Variants in PCDHA4 observed in about 807,000 individuals in gnomAD.
PCDHA4 encodes protocadherin alpha-4.
A neutral mutation model predicts 61.4 loss-of-function variants in PCDHA4; 49 were observed. That is an observed-to-expected ratio of 0.80 (90% CI 0.63 to 1.01). PCDHA4 has a LOEUF of 1.01. Ranked by LOEUF, PCDHA4 falls within the 50% of genes least tolerant of loss-of-function variation. The probability of loss-of-function intolerance (pLI) is 0.00; values close to 1 mark genes in which losing one functional copy is unlikely to be tolerated. For synonymous variants in PCDHA4, 590 were observed against 550.3 expected (o/e 1.07, Z -1.01); for missense variants, 1,254 against 1,235.8 (o/e 1.01, Z -0.22).
At chr5:140,982,391 G>T (rs539713475) in intron 2 of PCDHA4, 84 bp from the exon 3 acceptor site, 2 of 1,597,556 alleles carry the variant, frequency 1.3e-6, no homozygotes, top group South Asian at 1.1e-5. Flanking sequence ...TGGCTTCATA[G>T]TTGTAAGCAA....
At chr5:140,908,013 G>A (rs2073743163) in intron 1 of PCDHA4, among the ~76,000 whole-genome samples, 1 of 152,070 alleles carries the variant, frequency 6.6e-6, no homozygotes, top group Non-Finnish European at 1.5e-5. Context: ...CAAACCACTG[G>A]CTACAGCCCA....
chr5:140,966,149 G>C (rs1347243484), intron 1 of PCDHA4: 1 of 167,682 alleles, frequency 6.0e-6, no homozygotes, highest in Non-Finnish European at 1.3e-5. Flanking sequence ...TTCCTGAATT[G>C]CGCTTGGAGA....
intron 3 of PCDHA4, among the ~76,000 whole-genome samples, chr5:140,992,394 G>A (rs1338899804): frequency 2.0e-5 from 3 of 152,170 alleles, no homozygotes; most frequent in African/African-American, 7.2e-5. Flanking sequence ...TCTGGACTTA[G>A]AGATATTGTT....
chr5:140,912,532 G>T (rs1554195398), intron 1 of PCDHA4, among the ~76,000 whole-genome samples: 1 of 152,092 alleles, frequency 6.6e-6, no homozygotes, highest in African/African-American at 2.4e-5. Flanking sequence ...CAGAGTACAT[G>T]ATCATATTGT....
intron 1 of PCDHA4, among the ~76,000 whole-genome samples, chr5:140,936,136 G>A (rs1393112473): frequency 2.0e-5 from 3 of 152,184 alleles, no homozygotes; most frequent in Admixed American, 1.3e-4. Context: ...TAAGTGATCT[G>A]CCCGCCTTGG....
At chr5:140,829,218 A>G in intron 1 of PCDHA4, 1 of 1,614,180 alleles carries the variant, frequency 6.2e-7, no homozygotes, top group Non-Finnish European at 8.5e-7. Context: ...AGCGTGAACG[A>G]CCTCGATTCA....
At chr5:140,877,724 C>A in intron 1 of PCDHA4, 1 of 1,614,150 alleles carries the variant, frequency 6.2e-7, no homozygotes, top group Non-Finnish European at 8.5e-7. Context: ...TGGTCTTACT[C>A]GCAGCAGAGG....
At chr5:140,976,585 C>A (rs1415996919) in intron 1 of PCDHA4, among the ~76,000 whole-genome samples, 1 of 152,064 alleles carries the variant, frequency 6.6e-6, no homozygotes, top group African/African-American at 2.4e-5. Flanking sequence ...AAAACACAGA[C>A]TTTTGTGTTA....
intron 1 of PCDHA4, chr5:140,930,452 G>A (rs2086853363): frequency 6.6e-6 from 1 of 151,826 alleles, no homozygotes; most frequent in Non-Finnish European, 1.5e-5. Flanking sequence ...CAAACTCCTA[G>A]CCTCAAGTGA....
intron 1 of PCDHA4, among the ~76,000 whole-genome samples, chr5:140,964,434 G>A (rs1332567720): frequency 6.6e-6 from 1 of 152,104 alleles, no homozygotes; most frequent in Non-Finnish European, 1.5e-5. Context: ...AAATTACCAA[G>A]CCTCTGCCAC....
chr5:140,848,314 G>T, intron 1 of PCDHA4: 1 of 733,978 alleles, frequency 1.4e-6, no homozygotes, highest in Non-Finnish European at 2.3e-6. Context: ...ACTCTTTGCC[G>T]CGATGTTCTC....
chr5:140,981,861 A>G (rs1554243465), intron 2 of PCDHA4, among the ~76,000 whole-genome samples: 1 of 152,126 alleles, frequency 6.6e-6, no homozygotes, highest in Non-Finnish European at 1.5e-5. Context: ...ACTCCCAGCA[A>G]TGTTTTATGC....
chr5:140,900,226 G>A (rs1048533279), intron 1 of PCDHA4, among the ~76,000 whole-genome samples: 18 of 152,090 alleles, frequency 1.2e-4, no homozygotes, highest in Admixed American at 1.1e-3. Flanking sequence ...GCAAATGACT[G>A]GATCTTGTTT....
At chr5:140,824,898 T>A (rs1443268560) in intron 1 of PCDHA4, 1 of 152,162 alleles carries the variant, frequency 6.6e-6, no homozygotes, top group Non-Finnish European at 1.5e-5. Context: ...CAACTTTGCC[T>A]AAGCAGTTCA....
intron 1 of PCDHA4, chr5:140,854,421 A>T (rs1331549600): frequency 1.3e-5 from 2 of 151,624 alleles, no homozygotes; most frequent in Admixed American, 1.3e-4. Flanking sequence ...TAATCTCTAA[A>T]ATCAGAATTT....
intron 1 of PCDHA4, among the ~76,000 whole-genome samples, chr5:140,945,495 C>A (rs1585197828): frequency 6.6e-6 from 1 of 152,022 alleles, no homozygotes; most frequent in East Asian, 1.9e-4. Context: ...ATACCCAAAG[C>A]AATATTGAGC....
chr5:140,816,140 G>C (rs1274988778), intron 1 of PCDHA4: 2 of 152,092 alleles, frequency 1.3e-5, no homozygotes, highest in East Asian at 3.8e-4. Flanking sequence ...ATAATGAGTA[G>C]AGCAGCCTGC....
chr5:140,969,803 T>G, intron 1 of PCDHA4, among the ~76,000 whole-genome samples: 1 of 152,248 alleles, frequency 6.6e-6, no homozygotes, highest in South Asian at 2.1e-4. Context: ...ATCTGCTGTC[T>G]CTGTTTATAC....
Position 140,807,586 on chromosome 5 carries a change from C to T in PCDHA4, c.399C>T (p.Phe133=), listed in dbSNP as rs782149681. The change falls in exon 1 of 4, where the codon TTC becomes TTT. Residue 133 remains phenylalanine, a synonymous_variant. Coordinates refer to ENST00000530339, the MANE Select transcript of PCDHA4 (RefSeq NM_018907.4). ...ACATTAACGATAACCCGCCGGTGTT[C>T]CCAGCAACACAAAAGAACCTGTCCA... is the stretch of plus-strand genomic sequence containing the variant. ...VRDINDNPPV[F]PATQKNLSIA... 3 of 1,614,152 alleles carry T rather than the reference C, an allele frequency of 1.9e-6. No homozygotes were observed. The highest frequency in any genetic ancestry group is 2.5e-6 in the Non-Finnish European group (3 of 1,180,034).
Sources: allele counts gnomAD v4.1 joint callset (sites outside exome capture counted in the v4.1 genomes callset), GRCh38; gene constraint gnomAD v4.1.1; transcripts MANE v1.5; gene names NCBI Gene and HGNC (gene_info 2026-07-23, HGNC 2026-07-21).